The following CSMD1 variants were observed in gnomAD, a reference collection of about 807,000 sequenced individuals.
CSMD1 encodes CUB and sushi domain-containing protein 1.
A neutral mutation model predicts 417.5 loss-of-function variants in CSMD1; 213 were observed. The ratio of observed to expected loss-of-function variants is 0.51; its 90% CI spans 0.46 to 0.57. The LOEUF (loss-of-function observed/expected upper bound fraction) is 0.57, where lower values mean the gene tolerates loss of function less well. Ranked by LOEUF, CSMD1 falls within the 20% of genes least tolerant of loss-of-function variation. The pLI, the probability that CSMD1 is intolerant of heterozygous loss-of-function variation, is 0.00. For synonymous variants in CSMD1, 2,862 were observed against 1,736.8 expected (o/e 1.65, Z -16.11); for missense variants, 6,923 against 4,529.7 (o/e 1.53, Z -15.17).
At chr8:3,267,317 A>T (rs566622538) in intron 26 of CSMD1, among the ~76,000 whole-genome samples, 27 of 152,228 alleles carry the variant, frequency 1.8e-4, no homozygotes, top group African/African-American at 6.5e-4. Flanking sequence ...CCACTGGGTC[A>T]TATCCCACAA....
chr8:3,531,624 G>C (rs1438223451), intron 10 of CSMD1, among the ~76,000 whole-genome samples: 1 of 152,148 alleles, frequency 6.6e-6, no homozygotes, highest in African/African-American at 2.4e-5. Flanking sequence ...TCCAGGTTAT[G>C]TGTTAGCATA....
intron 2 of CSMD1, among the ~76,000 whole-genome samples, chr8:4,609,573 A>G (rs1187279698): frequency 1.3e-5 from 2 of 152,222 alleles, no homozygotes; most frequent in Non-Finnish European, 2.9e-5. Context: ...AGTGAGCAGA[A>G]TAAACAGCCA....
In CSMD1 at chr8:3,206,586, TG is replaced by T. The variant is rs1321442276; in HGVS notation, c.4868-967del. ...GTGTATGTGTGTGTGTGTGTATGTG[TG>T]GGGGGCGTATGTCTGTATGTGTGTG... On this transcript the variant is annotated intron_variant, in intron 30 of 69. Coordinates refer to ENST00000635120, the MANE Select transcript of CSMD1 (RefSeq NM_033225.6). 6.6e-3 allele frequency among the ~76,000 whole-genome samples: 919 copies of T among 138,882 alleles called. 13 individuals are homozygous for T. Among genetic ancestry groups the T allele is most frequent in the Non-Finnish European group, 9.9e-3 (638 of 64,656 alleles). The allele number at this position is 138,882 out of a possible 152,430, so 91.1% of individuals were successfully genotyped here. A position where few individuals can be genotyped will look rare whatever the true frequency, so the allele number is the denominator to read the frequency against.
intron 3 of CSMD1, among the ~76,000 whole-genome samples, chr8:4,117,950 GGA>G (rs1338489251): frequency 1.4e-5 from 2 of 139,086 alleles, no homozygotes; most frequent in African/African-American, 2.7e-5. Context: ...CAAGTCAATA[GGA>G]AAAAAAAAAA....
At chr8:3,281,239 T>A (rs1321257050) in intron 26 of CSMD1, among the ~76,000 whole-genome samples, 2 of 152,000 alleles carry the variant, frequency 1.3e-5, no homozygotes, top group African/African-American at 2.4e-5. Flanking sequence ...GGTAAGGAGT[T>A]TGACACTAGC....
At position 3,690,029 on chromosome 8, in the gene CSMD1, C is replaced by T. The variant is rs373716230; in HGVS notation, c.1009+18385G>A. On this transcript the variant is annotated intron_variant, in intron 7 of 69. Coordinates refer to ENST00000635120, the MANE Select transcript of CSMD1 (RefSeq NM_033225.6). ...GGGTGGTCAGTAAATGGAGTTCTTG[C>T]TTTAGCAAACATAAAATAATAATAA... is the stretch of plus-strand genomic sequence containing the variant. Among the ~76,000 whole-genome samples, 14 of 152,170 alleles carry T rather than the reference C, an allele frequency of 9.2e-5. No individual in the cohort carries two copies. In the East Asian group the frequency reaches 1.9e-3, roughly 21 times the overall value.
chr8:3,155,964 A>G (rs2129037672), intron 39 of CSMD1, among the ~76,000 whole-genome samples: 1 of 152,318 alleles, frequency 6.6e-6, no homozygotes, highest in South Asian at 2.1e-4. Flanking sequence ...GTGTATTACT[A>G]AAAACCATTG....
chr8:3,937,069 TTAGAAG>T (rs1180373526), intron 5 of CSMD1, among the ~76,000 whole-genome samples: 1 of 152,150 alleles, frequency 6.6e-6, no homozygotes, highest in Non-Finnish European at 1.5e-5. Context: ...AGAAACAGAA[TTAGAAG>T]TAGAACTGAA....
chr8:4,832,534 G>C (rs551294976), intron 1 of CSMD1, among the ~76,000 whole-genome samples: 1 of 152,150 alleles, frequency 6.6e-6, no homozygotes, highest in Non-Finnish European at 1.5e-5. Flanking sequence ...AAAACATGGA[G>C]GCATGAGGTA....
chr8:3,172,475 G>C (rs1217962076), intron 37 of CSMD1, among the ~76,000 whole-genome samples: 2 of 152,076 alleles, frequency 1.3e-5, no homozygotes, highest in Non-Finnish European at 2.9e-5. Flanking sequence ...CCAGATTTAG[G>C]TGTTTTCTTT....
In CSMD1 at chr8:4,660,388, G is replaced by C. The variant is rs939594930; in HGVS notation, c.86-22830C>G. On this transcript the variant is annotated intron_variant, in intron 1 of 69. Coordinates refer to ENST00000635120, the MANE Select transcript of CSMD1 (RefSeq NM_033225.6). The stretch of plus-strand genomic sequence containing the variant: ...TTGCTGAAAACCAGAAAACACGAAA[G>C]TAATGATTAAGCAAGATACCATGTC... Among the ~76,000 whole-genome samples, 12 of 152,098 alleles carry C rather than the reference G, an allele frequency of 7.9e-5. No individual in the cohort carries two copies. In the South Asian group the frequency reaches 1.9e-3, roughly 24 times the overall value.
At chr8:4,831,637 A>G (rs187648656) in intron 1 of CSMD1, among the ~76,000 whole-genome samples, 110 of 152,242 alleles carry the variant, frequency 7.2e-4, no homozygotes, top group African/African-American at 2.6e-3. Context: ...TTCGCTTTGG[A>G]AAGGTCATGG....
intron 5 of CSMD1, among the ~76,000 whole-genome samples, chr8:3,988,368 G>C (rs1175257370): frequency 6.6e-6 from 1 of 152,180 alleles, no homozygotes; most frequent in African/African-American, 2.4e-5. Context: ...TTTCAGTTTG[G>C]AGGAAAACCT....
intron 26 of CSMD1, among the ~76,000 whole-genome samples, chr8:3,262,082 T>G (rs1249578442): frequency 6.6e-6 from 1 of 151,332 alleles, no homozygotes; most frequent in East Asian, 1.9e-4. Flanking sequence ...TAAAACAAGT[T>G]CAATTAAAAA....
At chr8:3,551,896 G>C (rs1453697096) in intron 10 of CSMD1, among the ~76,000 whole-genome samples, 1 of 152,088 alleles carries the variant, frequency 6.6e-6, no homozygotes, top group Non-Finnish European at 1.5e-5. Flanking sequence ...GCTGAGTGTG[G>C]CATGTGGTAC....
chr8:3,679,712 C>T (rs1799555105), intron 7 of CSMD1, among the ~76,000 whole-genome samples: 1 of 152,144 alleles, frequency 6.6e-6, no homozygotes, highest in Non-Finnish European at 1.5e-5. Context: ...AACTCTCCAC[C>T]CCAAATCAAC....
intron 26 of CSMD1, among the ~76,000 whole-genome samples, chr8:3,259,233 A>C (rs928522910): frequency 1.3e-5 from 2 of 152,222 alleles, no homozygotes; most frequent in Non-Finnish European, 2.9e-5. Context: ...GCGTTTTCTA[A>C]AATTAATAAC....
chr8:3,199,757 T>C lies in CSMD1; in HGVS notation c.5151A>G (p.Ala1717=). ...AGCCGCGGGCAGAGGCACCGCTCTT[T>C]GCACTGAATCGGAGCAGAATTTGAT... The part of the protein sequence containing the change: ...TSNQILLRFS[A]KSGASARGFH... Residue 1717 remains alanine, a synonymous_variant, in exon 33 of 70, where the codon GCA becomes GCG. Coordinates refer to ENST00000635120, the MANE Select transcript of CSMD1 (RefSeq NM_033225.6). 6.3e-7 allele frequency: 1 copy of C among 1,589,160 alleles called. No homozygotes were observed.
At chr8:3,440,013 G>A (rs1020761433) in intron 12 of CSMD1, among the ~76,000 whole-genome samples, 1 of 152,038 alleles carries the variant, frequency 6.6e-6, no homozygotes, top group African/African-American at 2.4e-5. Flanking sequence ...ATTAATCTCT[G>A]TGTCTGCCCT....
Sources: allele counts gnomAD v4.1 joint callset (sites outside exome capture counted in the v4.1 genomes callset), GRCh38; gene constraint gnomAD v4.1.1; transcripts MANE v1.5; gene names NCBI Gene and HGNC (gene_info 2026-07-23, HGNC 2026-07-21).